Variants in NF1 observed in about 807,000 individuals in gnomAD.
NF1 encodes the protein neurofibromin 1.
NF1 carries 122 observed loss-of-function variants against 325.7 expected under a neutral mutation model. The ratio of observed to expected loss-of-function variants is 0.37; its 90% CI spans 0.32 to 0.44. The LOEUF (loss-of-function observed/expected upper bound fraction) is 0.44, where lower values mean the gene tolerates loss of function less well. Among genes scored for constraint, NF1 ranks in the 20% least tolerant of loss-of-function variants. The pLI is 1.00. For missense variants in NF1, 2,140 were observed against 3,415.4 expected (o/e 0.63, Z 9.31); for synonymous variants, 1,091 against 1,186.0 (o/e 0.92, Z 1.65).
chr17:31,118,679 C>A (rs891457174), intron 1 of NF1, among the ~76,000 whole-genome samples: 3 of 152,066 alleles, frequency 2.0e-5, no homozygotes, highest in African/African-American at 7.2e-5. Context: ...TTTTCTTTAT[C>A]CAGTCTATAA....
chr17:31,110,202 A>T (rs1913283523), intron 1 of NF1, among the ~76,000 whole-genome samples: 1 of 152,174 alleles, frequency 6.6e-6, no homozygotes, highest in South Asian at 2.1e-4. Flanking sequence ...CATATATATC[A>T]CTGCAACAAG....
chr17:31,364,085 A>C (rs959196725), intron 57 of NF1, among the ~76,000 whole-genome samples: 29 of 152,182 alleles, frequency 1.9e-4, no homozygotes, highest in African/African-American at 6.3e-4. Flanking sequence ...TCAAAAAACC[A>C]AAAGAAAGTT....
chr17:31,176,284 C>T (rs2066022077), intron 5 of NF1, among the ~76,000 whole-genome samples: 1 of 152,124 alleles, frequency 6.6e-6, no homozygotes, highest in African/African-American at 2.4e-5. Context: ...TGATAATGAG[C>T]TTTTCTTTAT....
chr17:31,135,612 A>G (rs890365959), intron 1 of NF1, among the ~76,000 whole-genome samples: 1 of 151,980 alleles, frequency 6.6e-6, no homozygotes, highest in Non-Finnish European at 1.5e-5. Context: ...TGTTGCCCTA[A>G]CTTGAGTCCA....
intron 1 of NF1, among the ~76,000 whole-genome samples, chr17:31,119,493 T>C (rs1278300796): frequency 6.6e-6 from 1 of 151,960 alleles, no homozygotes; most frequent in Non-Finnish European, 1.5e-5. Context: ...TTAAGTTCTT[T>C]GTAGATTCTG....
intron 1 of NF1, chr17:31,136,752 T>C (rs1479644727): frequency 6.6e-6 from 1 of 151,636 alleles, no homozygotes; most frequent in Non-Finnish European, 1.5e-5. Context: ...GTTCTTTTTT[T>C]AAAATTAGTT....
At chr17:31,123,358 CT>C (rs1348977845) in intron 1 of NF1, among the ~76,000 whole-genome samples, 1 of 152,204 alleles carries the variant, frequency 6.6e-6, no homozygotes, top group African/African-American at 2.4e-5. Context: ...CATTCTCAAT[CT>C]TTCAGAATCC....
chr17:31,270,812 T>C (rs2067880171), intron 36 of NF1, among the ~76,000 whole-genome samples: 1 of 152,196 alleles, frequency 6.6e-6, no homozygotes, highest in Admixed American at 6.5e-5. Flanking sequence ...ATAATAACCT[T>C]CTGAGATATT....
chr17:31,303,583 T>C (rs1463971187), intron 36 of NF1, among the ~76,000 whole-genome samples: 1 of 152,172 alleles, frequency 6.6e-6, no homozygotes, highest in African/African-American at 2.4e-5. Flanking sequence ...TTTGGGTGTT[T>C]ATAAAGAAGA....
intron 36 of NF1, among the ~76,000 whole-genome samples, chr17:31,282,581 GATGTTTCATATAAGTGGAATC>G (rs2068142125): frequency 6.6e-6 from 1 of 151,994 alleles, no homozygotes; most frequent in African/African-American, 2.4e-5. Flanking sequence ...GCACAGTTTA[GATGTTTCATATAAGTGGAATC>G]ATACAATATG....
In NF1 at chr17:31,192,097, A is replaced by G. The variant is rs17885547; in HGVS notation, c.889-8325A>G. Among the ~76,000 whole-genome samples, 717 of 152,340 alleles carry G rather than the reference A, an allele frequency of 4.7e-3. 7 individuals carry two copies. The highest frequency in any genetic ancestry group is 0.016 in the African/African-American group (685 of 41,578). ...TTTTAAAAAGAAATATTTGAAATGTACAAAGAATGTAACAGTTTCCCATAC... is the reference window on the plus strand; with the variant it reads ...TTTTAAAAAGAAATATTTGAAATGTGCAAAGAATGTAACAGTTTCCCATAC... On this transcript the variant is annotated intron_variant, in intron 8 of 57. Coordinates refer to ENST00000358273, the MANE Select transcript of NF1 (RefSeq NM_001042492.3).
At chr17:31,372,582 C>T (rs917111319) in intron 57 of NF1, among the ~76,000 whole-genome samples, 1 of 152,152 alleles carries the variant, frequency 6.6e-6, no homozygotes, top group African/African-American at 2.4e-5. Context: ...CATCCTCATG[C>T]CCCCTTAAGT....
At position 31,155,031 on chromosome 17, in the gene NF1, T is replaced by G. The variant is rs374149307; in HGVS notation, c.61-952T>G. 9.2e-5 allele frequency among the ~76,000 whole-genome samples: 14 copies of G among 152,260 alleles called. No homozygotes were observed. In the East Asian group the frequency reaches 2.1e-3, roughly 23 times the overall value. ...GGATGAGCCACCGTGCCCAGCCTATTTAGTATTTCTTTACTATCAAAATAA... is the reference window on the plus strand; with the variant it reads ...GGATGAGCCACCGTGCCCAGCCTATGTAGTATTTCTTTACTATCAAAATAA... On this transcript the variant is annotated intron_variant, in intron 1 of 57. Transcript: ENST00000358273.
intron 8 of NF1, among the ~76,000 whole-genome samples, chr17:31,186,265 C>A (rs2066237487): frequency 6.6e-6 from 1 of 152,146 alleles, no homozygotes; most frequent in African/African-American, 2.4e-5. Context: ...ATAGGGAGTT[C>A]CCTATGATCA....
In NF1 at chr17:31,095,231, G is replaced by C. The variant is rs2143142306; in HGVS notation, c.-79G>C. 7.2e-7 allele frequency: 1 copy of C among 1,382,062 alleles called. No homozygotes were observed. The highest frequency in any genetic ancestry group is 9.9e-7 in the Non-Finnish European group (1 of 1,008,904). The allele number at this position is 1,382,062 out of a possible 1,614,324, so 85.6% of individuals were successfully genotyped here. A position where few individuals can be genotyped will look rare whatever the true frequency, so the allele number is the denominator to read the frequency against. On this transcript the variant is annotated 5_prime_UTR_variant, in exon 1 of 58. Transcript: ENST00000358273. ...TCTCCTTGCCTCTTCCCTCACCTCAGCCTCCGCTCCCCGCCCTCTTCCCGG... is the reference window on the plus strand; with the variant it reads ...TCTCCTTGCCTCTTCCCTCACCTCACCCTCCGCTCCCCGCCCTCTTCCCGG...
chr17:31,218,293 A>T (rs1225054133), intron 13 of NF1, among the ~76,000 whole-genome samples: 1 of 152,212 alleles, frequency 6.6e-6, no homozygotes, highest in African/African-American at 2.4e-5. Flanking sequence ...GTAATTTTTA[A>T]TGGGAATTCG....
At chr17:31,312,616 A>C (rs2068907741) in intron 36 of NF1, among the ~76,000 whole-genome samples, 1 of 152,134 alleles carries the variant, frequency 6.6e-6, no homozygotes, top group Non-Finnish European at 1.5e-5. Context: ...AGTGAAAAAA[A>C]TTTAATATAA....
intron 1 of NF1, among the ~76,000 whole-genome samples, chr17:31,145,798 T>C (rs1039629206): frequency 1.3e-5 from 2 of 152,174 alleles, no homozygotes; most frequent in African/African-American, 2.4e-5. Context: ...AGAAGTATCA[T>C]GAAGATTCTC....
At chr17:31,190,179 C>T (rs2066318032) in intron 8 of NF1, among the ~76,000 whole-genome samples, 1 of 150,346 alleles carries the variant, frequency 6.7e-6, no homozygotes, top group African/African-American at 2.4e-5. Context: ...ATTGCTTGAA[C>T]CTGGGAGGTG....
Sources: gnomAD v4.1 joint callset for allele counts (sites outside exome capture counted in the v4.1 genomes callset) on GRCh38, gnomAD v4.1.1 for gene constraint, MANE v1.5 for transcripts, NCBI Gene and HGNC (gene_info 2026-07-23, HGNC 2026-07-21) for gene names.